Variants in TMEFF2 observed in about 807,000 individuals in gnomAD.
TMEFF2 encodes transmembrane protein with EGF like and two follistatin like domains 2.
A neutral mutation model predicts 53.8 loss-of-function variants in TMEFF2; 28 were observed. That is an observed-to-expected ratio of 0.52 (90% CI 0.39 to 0.71). The LOEUF is 0.71. TMEFF2 is among the 30% of genes least tolerant of loss of function. The pLI, the probability that TMEFF2 is intolerant of heterozygous loss-of-function variation, is 0.00. For missense variants in TMEFF2, 353 were observed against 455.2 expected (o/e 0.78, Z 2.04); for synonymous variants, 162 against 166.3 (o/e 0.97, Z 0.20).
intron 4 of TMEFF2, among the ~76,000 whole-genome samples, chr2:192,122,641 G>A (rs545538257): frequency 3.3e-5 from 5 of 152,124 alleles, no homozygotes; most frequent in South Asian, 2.1e-4. Context: ...GAAATTAACC[G>A]TGCACATCTG....
At chr2:192,192,869 T>C (rs189015714) in intron 1 of TMEFF2, among the ~76,000 whole-genome samples, 4 of 152,308 alleles carry the variant, frequency 2.6e-5, no homozygotes, top group Admixed American at 2.6e-4. Flanking sequence ...AAACTTATTC[T>C]TTCAAAAACA....
chr2:192,063,584 T>G (rs1401698923), intron 4 of TMEFF2, among the ~76,000 whole-genome samples: 1 of 151,870 alleles, frequency 6.6e-6, no homozygotes, highest in Non-Finnish European at 1.5e-5. Context: ...ATGGTTAGTG[T>G]TGTTCAAATC....
At position 192,184,488 on chromosome 2, in the gene TMEFF2, G is replaced by T; in HGVS notation, c.283-5C>A. On this transcript the variant is annotated splice_polypyrimidine_tract_variant and splice_region_variant and intron_variant, in intron 2 of 9. Coordinates refer to ENST00000272771, the MANE Select transcript of TMEFF2 (RefSeq NM_016192.4). ...AGGCACATAGTCATTGTTGCACTGG[G>T]AAACACACAGATGTAAGCCTATAGT... is the stretch of plus-strand genomic sequence containing the variant. 1 of 1,612,984 alleles carries T rather than the reference G, an allele frequency of 6.2e-7. No individual in the cohort carries two copies. Among genetic ancestry groups the T allele is most frequent in the Non-Finnish European group, 8.5e-7 (1 of 1,179,336 alleles).
At chr2:192,137,246 G>T (rs1348421572) in intron 4 of TMEFF2, among the ~76,000 whole-genome samples, 2 of 152,136 alleles carry the variant, frequency 1.3e-5, no homozygotes, top group Admixed American at 6.5e-5. Flanking sequence ...TGAGGGTGGG[G>T]TACCCAAGAG....
Position 191,950,094 on chromosome 2 carries a change from GTTTA to G in TMEFF2, c.*213_*216del, listed in dbSNP as rs1451452733. 3.1e-6 allele frequency: 4 copies of G among 1,302,760 alleles called. No individual in the cohort carries two copies. The highest frequency in any genetic ancestry group is 2.9e-6 in the Non-Finnish European group (3 of 1,018,664). The allele number at this position is 1,302,760 out of a possible 1,614,324, so 80.7% of individuals were successfully genotyped here. ...AAAACTATATTGTGTGATATAAATA[GTTTA>G]TTTACATTACAGAAAAAACATCAAG... On this transcript the variant is annotated 3_prime_UTR_variant, in exon 10 of 10. Transcript: ENST00000272771.
intron 5 of TMEFF2, among the ~76,000 whole-genome samples, chr2:192,013,201 G>A (rs774534300): frequency 7.9e-5 from 12 of 152,038 alleles, no homozygotes; most frequent in Non-Finnish European, 1.6e-4. Context: ...TCCGGCTCTT[G>A]ACTACCTATG....
chr2:192,166,209 C>T (rs562213786), intron 4 of TMEFF2, among the ~76,000 whole-genome samples: 13 of 152,220 alleles, frequency 8.5e-5, no homozygotes, highest in South Asian at 6.2e-4. Flanking sequence ...GTTTGTCTTC[C>T]GTTTTATGCT....
intron 4 of TMEFF2, among the ~76,000 whole-genome samples, chr2:192,167,849 T>C (rs569193592): frequency 4.0e-4 from 61 of 152,280 alleles, no homozygotes; most frequent in Admixed American, 7.8e-4. Flanking sequence ...TAGTTAGCAA[T>C]TACTGGGAAG....
chr2:192,179,657 G>T lies in TMEFF2; in HGVS notation c.439+11C>A. ...AGTAAATCTTCAAATATGTAAAAAGGCAACTCCTACCTCCATCTCCAGATC... is the reference window on the plus strand; with the variant it reads ...AGTAAATCTTCAAATATGTAAAAAGTCAACTCCTACCTCCATCTCCAGATC... On this transcript the variant is annotated intron_variant, in intron 4 of 9. Coordinates refer to ENST00000272771, the MANE Select transcript of TMEFF2 (RefSeq NM_016192.4). The T allele has an allele frequency of 6.4e-7, 1 of 1,553,658 alleles. No homozygotes were observed. Among genetic ancestry groups the T allele is most frequent in the Admixed American group, 1.9e-5 (1 of 51,364 alleles).
chr2:191,986,600 C>T (rs925205040), intron 7 of TMEFF2, among the ~76,000 whole-genome samples: 2 of 151,130 alleles, frequency 1.3e-5, no homozygotes, highest in African/African-American at 4.9e-5. Flanking sequence ...TAGCTCACGC[C>T]TGTAATCCCA....
At chr2:192,138,113 C>G (rs934004321) in intron 4 of TMEFF2, among the ~76,000 whole-genome samples, 1 of 152,278 alleles carries the variant, frequency 6.6e-6, no homozygotes, top group African/African-American at 2.4e-5. Context: ...GCCACTGCGC[C>G]CAGCCTCCTG....
At chr2:192,127,652 C>T (rs544369891) in intron 4 of TMEFF2, among the ~76,000 whole-genome samples, 2 of 143,010 alleles carry the variant, frequency 1.4e-5, no homozygotes, top group East Asian at 4.2e-4. Context: ...TGTCTAAAGT[C>T]AAAAATTGAG....
At chr2:192,110,514 A>G (rs1394813965) in intron 4 of TMEFF2, among the ~76,000 whole-genome samples, 3 of 152,188 alleles carry the variant, frequency 2.0e-5, no homozygotes, top group Non-Finnish European at 4.4e-5. Flanking sequence ...CTGTCTAAAT[A>G]TCTCTCTTCC....
intron 5 of TMEFF2, among the ~76,000 whole-genome samples, chr2:192,057,330 GCTGGGAGTACAGGC>G (rs969684769): frequency 3.3e-5 from 5 of 152,148 alleles, no homozygotes; most frequent in African/African-American, 1.2e-4. Context: ...GTACAGGCCT[GCTGGGAGTACAGGC>G]CTGAGCCATC....
intron 5 of TMEFF2, among the ~76,000 whole-genome samples, chr2:192,012,154 C>T (rs1215058331): frequency 2.6e-5 from 4 of 152,170 alleles, no homozygotes; most frequent in East Asian, 3.8e-4. Flanking sequence ...CCACCCGCCT[C>T]GGCCTCCCAA....
chr2:191,964,506 G>C (rs1574249901), intron 7 of TMEFF2, among the ~76,000 whole-genome samples: 1 of 149,832 alleles, frequency 6.7e-6, no homozygotes, highest in African/African-American at 2.5e-5. Context: ...TCATCCTCAA[G>C]GGCTCTCCGT....
At chr2:192,032,589 A>G (rs1430260839) in intron 5 of TMEFF2, 1 of 152,210 alleles carries the variant, frequency 6.6e-6, no homozygotes, top group South Asian at 2.1e-4. Flanking sequence ...GGTAATACAA[A>G]GAGACAGGAT....
intron 4 of TMEFF2, among the ~76,000 whole-genome samples, chr2:192,133,318 T>C (rs969091011): frequency 2.8e-4 from 42 of 152,200 alleles, no homozygotes; most frequent in African/African-American, 8.9e-4. Flanking sequence ...AAGTATAAGA[T>C]ACCTCTACTC....
At chr2:192,036,579 G>C (rs1687298423) in intron 5 of TMEFF2, 1 of 152,180 alleles carries the variant, frequency 6.6e-6, no homozygotes, top group Non-Finnish European at 1.5e-5. Flanking sequence ...AAAACATCTG[G>C]AGGATTCTCA....
Sources: gnomAD v4.1 joint callset for allele counts (sites outside exome capture counted in the v4.1 genomes callset) on GRCh38, gnomAD v4.1.1 for gene constraint, MANE v1.5 for transcripts, NCBI Gene and HGNC (gene_info 2026-07-23, HGNC 2026-07-21) for gene names.